The following HERC1 variants were observed in gnomAD, a reference collection of about 807,000 sequenced individuals.
HERC1 encodes the protein probable E3 ubiquitin-protein ligase HERC1.
In HERC1, 160 loss-of-function variants were observed where a neutral mutation model predicts 554.3. The ratio of observed to expected loss-of-function variants is 0.29; its 90% CI spans 0.25 to 0.33. The LOEUF (loss-of-function observed/expected upper bound fraction) is 0.33. HERC1 is among the 10% of genes least tolerant of loss of function. HERC1 has a pLI of 1.00. For synonymous variants in HERC1, 2,175 were observed against 2,131.7 expected (o/e 1.02, Z -0.56); for missense variants, 4,919 against 5,918.5 (o/e 0.83, Z 5.54).
At chr15:63,711,344 G>A (rs1451806150) in intron 24 of HERC1, among the ~76,000 whole-genome samples, 2 of 152,042 alleles carry the variant, frequency 1.3e-5, no homozygotes, top group Admixed American at 1.3e-4. Context: ...ACAGAGTTAG[G>A]AGACTAGATA....
At chr15:63,675,327 G>C (rs1430304964) in intron 37 of HERC1, among the ~76,000 whole-genome samples, 2 of 152,204 alleles carry the variant, frequency 1.3e-5, no homozygotes, top group Non-Finnish European at 2.9e-5. Context: ...GAAGCAATGA[G>C]ATGCTTTCAA....
chr15:63,696,288 C>T lies in HERC1; in HGVS notation c.4957G>A (p.Glu1653Lys). The change falls in exon 27 of 78, where the codon GAA (glutamate) becomes AAA (lysine). Residue 1653 changes from glutamate (E) to lysine (K), a missense_variant. This residue lies in a region of HERC1 where 1,121 missense variants were observed against 1,244.0 expected (regional missense o/e 0.90). Coordinates refer to ENST00000443617, the MANE Select transcript of HERC1 (RefSeq NM_003922.4). ...CCTGCCAGTGAGATGCTACCTTTTTCTTCCATCCCAGACAATAGAACGAGG... is the reference window on the plus strand; with the variant it reads ...CCTGCCAGTGAGATGCTACCTTTTTTTTCCATCCCAGACAATAGAACGAGG... Reference protein sequence around the residue: ...QILVLLSGMEEKGSISLAGSR... With the variant: ...QILVLLSGMEKKGSISLAGSR... 1 of 1,613,276 alleles carries T rather than the reference C, an allele frequency of 6.2e-7. No homozygotes were observed. The highest frequency in any genetic ancestry group is 8.5e-7 in the Non-Finnish European group (1 of 1,179,612).
chr15:63,800,840 T>C (rs577622339), intron 1 of HERC1, among the ~76,000 whole-genome samples: 1 of 152,178 alleles, frequency 6.6e-6, no homozygotes, highest in South Asian at 2.1e-4. Context: ...TGACTCTTAG[T>C]GGGCCCTTAG....
At chr15:63,714,315 A>T (rs767838905) in intron 22 of HERC1, among the ~76,000 whole-genome samples, 14 of 152,264 alleles carry the variant, frequency 9.2e-5, no homozygotes, top group Admixed American at 3.9e-4. Context: ...AAACACATTA[A>T]ATAAGCACTG....
intron 1 of HERC1, among the ~76,000 whole-genome samples, chr15:63,808,536 T>G (rs2077200833): frequency 6.6e-6 from 1 of 152,200 alleles, no homozygotes. Context: ...TCCTCCTGTC[T>G]CAGCCTCCCA....
Position 63,758,024 on chromosome 15 carries a change from T to C in HERC1, c.1221+151A>G, listed in dbSNP as rs919065031. 16 of 596,230 alleles carry C rather than the reference T, an allele frequency of 2.7e-5. No homozygotes were observed. The highest frequency in any genetic ancestry group is 6.7e-5 in the Admixed American group (2 of 29,850). The allele number at this position is 596,230 out of a possible 1,614,324, so 36.9% of individuals were successfully genotyped here. ...CGCCCAGCAAAAATTTATTTTTCTA[T>C]TAAAATGAAAAAAACTAATGCAGTA... On this transcript the variant is annotated intron_variant, in intron 4 of 77. Coordinates refer to ENST00000443617, the MANE Select transcript of HERC1 (RefSeq NM_003922.4). The surrounding 1 kb of genome is among the most constrained non-coding windows in gnomAD (Gnocchi z 4.0).
chr15:63,711,504 T>C (rs759788433), intron 24 of HERC1, among the ~76,000 whole-genome samples: 2 of 152,152 alleles, frequency 1.3e-5, no homozygotes, highest in African/African-American at 4.8e-5. Flanking sequence ...ATAAACAAAA[T>C]GTCATGATAC....
Position 63,725,326 on chromosome 15 carries a change from G to T in HERC1, c.3534C>A (p.Phe1178Leu). 1.2e-6 allele frequency: 2 copies of T among 1,613,890 alleles called. No individual in the cohort carries two copies. Among genetic ancestry groups the T allele is most frequent in the Non-Finnish European group, 1.7e-6 (2 of 1,179,850 alleles). ...GAGTGTCCATTTCTACACCGTCACT[G>T]AACAGTGGCGTTTTCATCCAATATG... Reference protein sequence around the residue: ...DTAYWMKTPLFSDGVEMDTPQ... With the variant: ...DTAYWMKTPLLSDGVEMDTPQ... Residue 1178 changes from phenylalanine (F) to leucine (L), a missense_variant, in exon 18 of 78, where the codon TTC (phenylalanine) becomes TTA (leucine). Coordinates refer to ENST00000443617, the MANE Select transcript of HERC1 (RefSeq NM_003922.4).
intron 12 of HERC1, among the ~76,000 whole-genome samples, chr15:63,741,054 A>G (rs1315572498): frequency 6.6e-6 from 1 of 150,912 alleles, no homozygotes; most frequent in African/African-American, 2.4e-5. Flanking sequence ...TGTGAGACGG[A>G]CTCTTGCCCT....
At chr15:63,703,220 T>G (rs142093103) in intron 25 of HERC1, among the ~76,000 whole-genome samples, 2 of 152,310 alleles carry the variant, frequency 1.3e-5, no homozygotes, top group African/African-American at 4.8e-5. Context: ...CATATTCACT[T>G]TCTCAGACCA....
intron 34 of HERC1, among the ~76,000 whole-genome samples, chr15:63,683,203 A>C (rs1352907717): frequency 6.6e-6 from 1 of 152,130 alleles, no homozygotes; most frequent in Non-Finnish European, 1.5e-5. Flanking sequence ...GTAACTTCAT[A>C]AATGCTAAAG....
At chr15:63,752,909 T>C (rs746280065) in intron 8 of HERC1, 49 bp downstream of exon 8, 2 of 1,548,426 alleles carry the variant, frequency 1.3e-6, no homozygotes, top group Non-Finnish European at 1.8e-6. Flanking sequence ...TTTAGTCACC[T>C]AATCCTCTGA....
At chr15:63,655,435 C>T (rs1291975924) in intron 50 of HERC1, among the ~76,000 whole-genome samples, 2 of 152,094 alleles carry the variant, frequency 1.3e-5, no homozygotes, top group African/African-American at 4.8e-5. Flanking sequence ...ATAAGTAGTC[C>T]CTTCAAAGTG....
intron 13 of HERC1, among the ~76,000 whole-genome samples, chr15:63,733,901 G>A (rs955740329): frequency 1.3e-5 from 2 of 151,308 alleles, no homozygotes; most frequent in African/African-American, 4.9e-5. Flanking sequence ...GTGGTCTCAT[G>A]CCTATAATCC....
At chr15:63,826,984 C>T (rs1472465817) in intron 1 of HERC1, among the ~76,000 whole-genome samples, 1 of 151,600 alleles carries the variant, frequency 6.6e-6, no homozygotes, top group Non-Finnish European at 1.5e-5. Flanking sequence ...AGCAATCACA[C>T]TTACAGAAAT....
chr15:63,826,842 T>G (rs1357562458), intron 1 of HERC1, among the ~76,000 whole-genome samples: 2 of 102,016 alleles, frequency 2.0e-5, no homozygotes, highest in Middle Eastern at 5.7e-3. Context: ...TATATATATA[T>G]AAAGTATGAC....
intron 22 of HERC1, 164 bp from the exon 23 acceptor site, chr15:63,713,829 A>G (rs1421668448): frequency 5.4e-6 from 3 of 556,152 alleles, no homozygotes; most frequent in Non-Finnish European, 6.3e-6. Flanking sequence ...TTAAAATTAC[A>G]TTTAAAATAT....
intron 74 of HERC1, among the ~76,000 whole-genome samples, chr15:63,620,839 T>C (rs1435413221): frequency 6.6e-6 from 1 of 152,208 alleles, no homozygotes; most frequent in Admixed American, 6.5e-5. Context: ...TGTTTTCCAT[T>C]TGCTTGGTAG....
Position 63,694,941 on chromosome 15 carries a change from C to A in HERC1, c.5122-47G>T, listed in dbSNP as rs746643927. On this transcript the variant is annotated intron_variant, in intron 27 of 77. Transcript: ENST00000443617. The surrounding 1 kb of genome is among the most constrained non-coding windows in gnomAD (Gnocchi z 4.3). ...ACTTTTTCTATTAGCAACAATAATA[C>A]CTGCTTGCAAAAAGAAGTAATAACA... is the stretch of plus-strand genomic sequence containing the variant. 1.3e-6 allele frequency: 2 copies of A among 1,550,140 alleles called. No individual in the cohort carries two copies. Among genetic ancestry groups the A allele is most frequent in the Non-Finnish European group, 1.7e-6 (2 of 1,143,360 alleles).
Sources: allele counts gnomAD v4.1 joint callset (sites outside exome capture counted in the v4.1 genomes callset), GRCh38; gene constraint gnomAD v4.1.1; regional missense constraint gnomAD v4.1.1; non-coding constraint Gnocchi (gnomAD v3.1); transcripts MANE v1.5; gene names NCBI Gene and HGNC (gene_info 2026-07-23, HGNC 2026-07-21).